Variants in KIF13B observed in about 807,000 individuals in gnomAD.
The protein encoded by KIF13B is kinesin-like protein KIF13B.
In KIF13B, 127 loss-of-function variants were observed where a neutral mutation model predicts 222.0. The ratio of observed to expected loss-of-function variants is 0.57; its 90% CI spans 0.50 to 0.66. The LOEUF (loss-of-function observed/expected upper bound fraction) is 0.66, where lower values mean the gene tolerates loss of function less well. KIF13B is among the 30% of genes least tolerant of loss of function. The probability of loss-of-function intolerance (pLI) is 0.00; values close to 1 mark genes in which losing one functional copy is unlikely to be tolerated. For missense variants in KIF13B, 2,173 were observed against 2,379.0 expected (o/e 0.91, Z 1.80); for synonymous variants, 976 against 919.0 (o/e 1.06, Z -1.12).
intron 24 of KIF13B, among the ~76,000 whole-genome samples, chr8:29,129,144 T>TC (rs1056328620): frequency 1.3e-5 from 2 of 152,210 alleles, no homozygotes; most frequent in African/African-American, 2.4e-5. Context: ...AAGAGGCATA[T>TC]CCTTCAAAAA....
intron 37 of KIF13B, among the ~76,000 whole-genome samples, chr8:29,085,452 T>C (rs1191190101): frequency 2.6e-5 from 4 of 152,152 alleles, no homozygotes; most frequent in African/African-American, 9.7e-5. Flanking sequence ...CCTCAGTCCT[T>C]ACCTGGATTA....
rs1316608571 is a variant in KIF13B at position 29,263,067 on chromosome 8, G to A, written c.-33C>T. ...CCGCCGAGGAACTCGTTCGGCTTCC[G>A]TCTGCCGCGGCCACCGGCGACTCTT... On this transcript the variant is annotated 5_prime_UTR_variant, in exon 1 of 40. It adds an upstream start codon to the 5' untranslated region. Coordinates refer to ENST00000524189, the MANE Select transcript of KIF13B (RefSeq NM_015254.4). 1.9e-6 allele frequency: 3 copies of A among 1,565,938 alleles called. No individual in the cohort carries two copies. The highest frequency in any genetic ancestry group is 1.8e-5 in the Admixed American group (1 of 54,954).
In KIF13B at chr8:29,258,742, C is replaced by T. The variant is rs28538409; in HGVS notation, c.55+4238G>A. ...TCCCTGGAAGTCCAACCAAAGTTCA[C>T]CCTCCTCAGTGAAGTCTAAACTCCT... On this transcript the variant is annotated intron_variant, in intron 1 of 39. Coordinates refer to ENST00000524189, the MANE Select transcript of KIF13B (RefSeq NM_015254.4). 8.1e-3 allele frequency among the ~76,000 whole-genome samples: 1,236 copies of T among 152,306 alleles called. 12 individuals are homozygous for T. Among genetic ancestry groups the T allele is most frequent in the African/African-American group, 0.028 (1,169 of 41,550 alleles).
intron 32 of KIF13B, 147 bp downstream of exon 32, chr8:29,113,316 T>C (rs1014437263): frequency 3.7e-6 from 2 of 534,560 alleles, no homozygotes; most frequent in African/African-American, 1.9e-5. Flanking sequence ...TTACTATGAA[T>C]TGATATTAGA....
At chr8:29,203,122 G>GA (rs1219984412) in intron 2 of KIF13B, among the ~76,000 whole-genome samples, 4 of 152,172 alleles carry the variant, frequency 2.6e-5, no homozygotes, top group African/African-American at 9.6e-5. Flanking sequence ...ATAAGCTTCT[G>GA]AAGGACAAAG....
chr8:29,144,377 C>T (rs1586837367), intron 18 of KIF13B, among the ~76,000 whole-genome samples: 1 of 151,994 alleles, frequency 6.6e-6, no homozygotes, highest in Non-Finnish European at 1.5e-5. Context: ...CCTGCCTCAG[C>T]CCCCCAAGCA....
intron 13 of KIF13B, 138 bp downstream of exon 13, chr8:29,160,591 AAAAC>A: frequency 1.8e-6 from 1 of 559,390 alleles, no homozygotes; most frequent in African/African-American, 2.0e-5. Flanking sequence ...ACTAAAAAAG[AAAAC>A]TGAGTCCAGA....
intron 30 of KIF13B, among the ~76,000 whole-genome samples, chr8:29,118,266 G>A (rs1035138230): frequency 2.6e-5 from 4 of 151,244 alleles, no homozygotes; most frequent in Admixed American, 6.6e-5. Flanking sequence ...CAAGGCAGGC[G>A]ATCACTTCCG....
rs547445615 is a variant in KIF13B at position 29,214,808 on chromosome 8, C to T, written c.150-18609G>A. Among the ~76,000 whole-genome samples, 51 of 152,296 alleles carry T rather than the reference C, an allele frequency of 3.3e-4. 1 individual carries two copies. Among genetic ancestry groups the T allele is most frequent in the African/African-American group, 1.2e-3 (49 of 41,566 alleles). On this transcript the variant is annotated intron_variant, in intron 2 of 39. Coordinates refer to ENST00000524189, the MANE Select transcript of KIF13B (RefSeq NM_015254.4). ...AATGCATCAGTAATGCATAGCACTA[C>T]AACTTTACCAATGGCTGTGATGCCA...
At chr8:29,111,030 T>C (rs542506101) in intron 32 of KIF13B, among the ~76,000 whole-genome samples, 2 of 152,350 alleles carry the variant, frequency 1.3e-5, no homozygotes, top group African/African-American at 4.8e-5. Context: ...AAGATACTTT[T>C]AAAAATTTAA....
chr8:29,155,898 C>T, intron 13 of KIF13B, 42 bp from the exon 14 acceptor site: 1 of 1,444,884 alleles, frequency 6.9e-7, no homozygotes, highest in East Asian at 2.4e-5. Context: ...TGTATTCTTA[C>T]ATATACACAA....
intron 14 of KIF13B, among the ~76,000 whole-genome samples, chr8:29,154,439 T>C (rs1370779731): frequency 6.6e-6 from 1 of 151,930 alleles, no homozygotes; most frequent in African/African-American, 2.4e-5. Context: ...AGAAAGAAAC[T>C]GTTGTAAGAT....
At chr8:29,192,231 C>T (rs1024887055) in intron 3 of KIF13B, among the ~76,000 whole-genome samples, 20 of 152,120 alleles carry the variant, frequency 1.3e-4, no homozygotes, top group Admixed American at 1.1e-3. Flanking sequence ...GAAGGCTCGC[C>T]CAAATCAGTT....
intron 7 of KIF13B, among the ~76,000 whole-genome samples, 167 bp downstream of exon 7, chr8:29,181,752 T>A (rs1468906807): frequency 1.3e-5 from 2 of 152,256 alleles, no homozygotes; most frequent in African/African-American, 4.8e-5. Flanking sequence ...CTATATTTAT[T>A]CGCTTGTCTG....
intron 12 of KIF13B, 33 bp downstream of exon 12, chr8:29,165,629 G>T: frequency 1.4e-6 from 2 of 1,419,212 alleles, no homozygotes; most frequent in Non-Finnish European, 2.0e-6. Flanking sequence ...CTGCCATGAG[G>T]TTTCATGCGC....
chr8:29,076,599 A>G (rs1169892917), intron 37 of KIF13B, among the ~76,000 whole-genome samples: 1 of 152,222 alleles, frequency 6.6e-6, no homozygotes, highest in Non-Finnish European at 1.5e-5. Flanking sequence ...CGAAGAAGCC[A>G]GCCCGCTCAG....
chr8:29,118,934 C>T lies in KIF13B; in HGVS notation c.3594G>A (p.Ala1198=), dbSNP rs544452612. 8.7e-6 allele frequency: 14 copies of T among 1,613,884 alleles called. No individual in the cohort carries two copies. The African/African-American group carries it at 1.1e-4, about 12-fold the overall frequency. Residue 1198 remains alanine, a synonymous_variant, in exon 30 of 40, where the codon GCG becomes GCA. Coordinates refer to ENST00000524189, the MANE Select transcript of KIF13B (RefSeq NM_015254.4). ...LDDPEAGGWD[A]TLTGEEEEEF... is the part of the protein sequence containing the mutation. ...CCTCTTCTTCTTCCCCAGTCAAGGT[C>T]GCATCCCATCCACCAGCTTCTGGGT... is the stretch of plus-strand genomic sequence containing the variant.
chr8:29,125,669 G>A (rs1810075200), intron 26 of KIF13B, among the ~76,000 whole-genome samples: 1 of 151,736 alleles, frequency 6.6e-6, no homozygotes, highest in African/African-American at 2.4e-5. Flanking sequence ...AGCCCTGACA[G>A]TCCTGAACGA....
chr8:29,188,609 T>TGA lies in KIF13B; in HGVS notation c.224-4_224-3dup. On this transcript the variant is annotated splice_region_variant and splice_polypyrimidine_tract_variant and intron_variant, in intron 4 of 39. Coordinates refer to ENST00000524189, the MANE Select transcript of KIF13B (RefSeq NM_015254.4). ...GGCACTTGAAAACAATATCTTGACC[T>TGA]GAGAGAGAGAGAATAAGAGAAAAGA... 6.3e-7 allele frequency: 1 copy of TGA among 1,584,882 alleles called. No individual in the cohort carries two copies. Among genetic ancestry groups the TGA allele is most frequent in the Non-Finnish European group, 8.6e-7 (1 of 1,158,322 alleles).
Sources: allele counts gnomAD v4.1 joint callset (sites outside exome capture counted in the v4.1 genomes callset), GRCh38; gene constraint gnomAD v4.1.1; transcripts MANE v1.5; gene names NCBI Gene and HGNC (gene_info 2026-07-23, HGNC 2026-07-21).